The following KMT5A variants were observed in gnomAD, a reference collection of about 807,000 sequenced individuals.
KMT5A encodes the protein lysine methyltransferase 5A.
In KMT5A, 6 loss-of-function variants were observed where a neutral mutation model predicts 40.6. The ratio of observed to expected loss-of-function variants is 0.15; its 90% CI spans 0.08 to 0.29. The LOEUF is 0.29. KMT5A is among the 10% of genes least tolerant of loss of function. The pLI is 1.00. For synonymous variants in KMT5A, 153 were observed against 178.8 expected, an observed-to-expected ratio of 0.86 and a Z score of 1.15; for missense variants, 308 against 459.1, an observed-to-expected ratio of 0.67 and a Z score of 3.01.
At chr12:123,389,693 A>G (rs1408077586) in intron 2 of KMT5A, 139 bp downstream of exon 2, 2 of 568,822 alleles carry the variant, frequency 3.5e-6, no homozygotes, top group Non-Finnish European at 4.5e-6. Flanking sequence ...AGTGGCGCCC[A>G]CACGGCTCCG....
At chr12:123,399,767 C>T (rs951353048) in intron 5 of KMT5A, among the ~76,000 whole-genome samples, 6 of 152,210 alleles carry the variant, frequency 3.9e-5, no homozygotes, top group African/African-American at 1.4e-4. Context: ...TACTTGAGAA[C>T]AGAAGTTCAG....
At chr12:123,400,301 C>T (rs936106720) in intron 5 of KMT5A, among the ~76,000 whole-genome samples, 1 of 151,896 alleles carries the variant, frequency 6.6e-6, no homozygotes, top group African/African-American at 2.4e-5. Context: ...TCCCAAAGTG[C>T]TGGGATTACA....
Position 123,403,517 on chromosome 12 carries a change from A to G in KMT5A, c.598-56A>G, listed in dbSNP as rs896785871. On this transcript the variant is annotated intron_variant, in intron 5 of 7. Transcript: ENST00000402868. ...AATCAGGGCTCAAGACCATCAAGCT[A>G]CGCACGATGGGCCTAGGAGAAGATA... The G allele has an allele frequency of 6.8e-5, 108 of 1,583,178 alleles. 1 individual carries two copies. Among genetic ancestry groups the G allele is most frequent in the Non-Finnish European group, 7.7e-5 (89 of 1,152,450 alleles).
intron 3 of KMT5A, among the ~76,000 whole-genome samples, chr12:123,393,997 A>T (rs973273090): frequency 6.6e-6 from 1 of 152,016 alleles, no homozygotes; most frequent in Non-Finnish European, 1.5e-5. Flanking sequence ...TTGCTGGGTC[A>T]TATGGTAACT....
intron 6 of KMT5A, among the ~76,000 whole-genome samples, chr12:123,404,540 C>T (rs1420411103): frequency 2.6e-5 from 4 of 152,198 alleles, no homozygotes; most frequent in Non-Finnish European, 2.9e-5. Context: ...GCCTCAGACA[C>T]GTGGTTGTGC....
rs1593467679 is a variant in KMT5A at position 123,398,771 on chromosome 12, A to G, written c.597+2339A>G. Among the ~76,000 whole-genome samples the G allele has an allele frequency of 3.3e-5, 5 of 152,218 alleles. No homozygotes were observed. In the East Asian group the frequency reaches 9.6e-4, roughly 29 times the overall value. On this transcript the variant is annotated intron_variant, in intron 5 of 7. Transcript: ENST00000402868. ...CTGACTGCACAGATAAAGCCCAAGAACGGGACAGCTGGGGCTCATCTGAAG... is the reference window on the plus strand; with the variant it reads ...CTGACTGCACAGATAAAGCCCAAGAGCGGGACAGCTGGGGCTCATCTGAAG...
intron 7 of KMT5A, among the ~76,000 whole-genome samples, chr12:123,406,558 C>G (rs1256984443): frequency 6.6e-6 from 1 of 152,142 alleles, no homozygotes; most frequent in Non-Finnish European, 1.5e-5. Flanking sequence ...AGGTAATCCA[C>G]CCGCCTCAGC....
chr12:123,387,529 C>A (rs1876949015), intron 1 of KMT5A, among the ~76,000 whole-genome samples: 1 of 152,174 alleles, frequency 6.6e-6, no homozygotes, highest in Non-Finnish European at 1.5e-5. Flanking sequence ...CCTCTTTCAC[C>A]CTCTGGGTAA....
chr12:123,403,531 T>C (rs768086532), intron 5 of KMT5A, 42 bp from the exon 6 acceptor site: 2 of 1,609,584 alleles, frequency 1.2e-6, no homozygotes, highest in South Asian at 2.2e-5. Flanking sequence ...ACGATGGGCC[T>C]AGGAGAAGAT....
At chr12:123,392,702 T>C (rs1877402748) in intron 3 of KMT5A, among the ~76,000 whole-genome samples, 1 of 152,064 alleles carries the variant, frequency 6.6e-6, no homozygotes, top group African/African-American at 2.4e-5. Flanking sequence ...AGCTGGACTT[T>C]GGAGACCCCA....
chr12:123,384,327 T>G lies in KMT5A; in HGVS notation c.10+119T>G. ...CTCCTCGGGTGGCTCGGGGCAAGCT[T>G]GGGGACCCGCGTGGGGGGAGAGGGG... is the stretch of plus-strand genomic sequence containing the variant. On this transcript the variant is annotated intron_variant, in intron 1 of 7. Transcript: ENST00000402868. The surrounding 1 kb of genome is among the most constrained non-coding windows in gnomAD (Gnocchi z 5.7). 7.1e-7 allele frequency: 1 copy of G among 1,401,142 alleles called. No homozygotes were observed. Among genetic ancestry groups the G allele is most frequent in the Non-Finnish European group, 9.8e-7 (1 of 1,024,970 alleles). The allele number at this position is 1,401,142 out of a possible 1,614,324, so 86.8% of individuals were successfully genotyped here.
rs750897321 is a variant in KMT5A at position 123,384,197 on chromosome 12, C to G, written c.-2C>G. 6.2e-7 allele frequency: 1 copy of G among 1,613,712 alleles called. No individual in the cohort carries two copies. ...GATCCCAGGCGGTGACAGAGTGGAG[C>G]CATGGCTAGAGGTATTTGCCCAAGT... On this transcript the variant is annotated 5_prime_UTR_variant, in exon 1 of 8. Transcript: ENST00000402868. The surrounding 1 kb of genome is among the most constrained non-coding windows in gnomAD (Gnocchi z 5.7).
At chr12:123,394,981 G>C (rs1227743691) in intron 3 of KMT5A, 66 bp from the exon 4 acceptor site, 1 of 1,389,326 alleles carries the variant, frequency 7.2e-7, no homozygotes, top group Non-Finnish European at 9.9e-7. Context: ...TTAGAATGCA[G>C]CTGGTCGTCT....
intron 5 of KMT5A, among the ~76,000 whole-genome samples, chr12:123,399,775 C>A (rs1283367885): frequency 6.6e-6 from 1 of 152,178 alleles, no homozygotes; most frequent in East Asian, 1.9e-4. Flanking sequence ...AACAGAAGTT[C>A]AGTACCAACC....
rs1442673388 is a variant in KMT5A at position 123,403,594 on chromosome 12, G to C, written c.619G>C (p.Asp207His). The C allele has an allele frequency of 3.7e-6, 6 of 1,614,202 alleles. No homozygotes were observed. Among genetic ancestry groups the C allele is most frequent in the Non-Finnish European group, 4.2e-6 (5 of 1,180,020 alleles). Residue 207 changes from aspartate to histidine, a missense_variant, in exon 6 of 8, where the codon GAT (aspartate) becomes CAT (histidine). Asp to His is a moderately conservative substitution (Grantham distance 81). Around this residue, in one of 4 missense-constraint regions of KMT5A, gnomAD observed 77 missense variants for 220.0 expected, o/e 0.35. Transcript: ENST00000402868. ...CCAGTCTGAAGAAAGGAAAAGAATAGATGAATTGATTGAAAGTGGGAAGGA... is the reference window on the plus strand; with the variant it reads ...CCAGTCTGAAGAAAGGAAAAGAATACATGAATTGATTGAAAGTGGGAAGGA... ...ELQSEERKRI[D>H]ELIESGKEEG...
At chr12:123,388,436 C>T (rs936392463) in intron 1 of KMT5A, 2 of 152,282 alleles carry the variant, frequency 1.3e-5, no homozygotes, top group African/African-American at 4.8e-5. Context: ...GGCTCTGTCT[C>T]CCCAGGGCTT....
chr12:123,400,841 G>T (rs1015245913), intron 5 of KMT5A, among the ~76,000 whole-genome samples: 1 of 151,806 alleles, frequency 6.6e-6, no homozygotes. Flanking sequence ...TTGAGACAAG[G>T]TCTCACTCTG....
chr12:123,401,428 G>A (rs1473947239), intron 5 of KMT5A, among the ~76,000 whole-genome samples: 5 of 150,554 alleles, frequency 3.3e-5, no homozygotes, highest in Non-Finnish European at 7.4e-5. Context: ...GATAACAGGT[G>A]TATATCTTTC....
intron 5 of KMT5A, among the ~76,000 whole-genome samples, chr12:123,402,614 T>A (rs906632572): frequency 2.0e-5 from 3 of 152,200 alleles, no homozygotes; most frequent in Non-Finnish European, 2.9e-5. Context: ...TTTGGTTCCC[T>A]TTTGCTCTGT....
Sources: allele counts gnomAD v4.1 joint callset (sites outside exome capture counted in the v4.1 genomes callset), GRCh38; gene constraint gnomAD v4.1.1; regional missense constraint gnomAD v4.1.1; non-coding constraint Gnocchi (gnomAD v3.1); transcripts MANE v1.5; gene names NCBI Gene and HGNC (gene_info 2026-07-23, HGNC 2026-07-21).